Variants in METAP2 observed in about 807,000 individuals in gnomAD.
METAP2 encodes the protein methionine aminopeptidase 2.
Under a neutral mutation model 59.4 loss-of-function variants are expected in METAP2, and 25 were observed. That is an observed-to-expected ratio of 0.42 (90% CI 0.31 to 0.59). The LOEUF is 0.59. Ranked by LOEUF, METAP2 falls within the 20% of genes least tolerant of loss-of-function variation. The pLI is 0.16. For synonymous variants in METAP2, 214 were observed against 194.1 expected (o/e 1.10, Z -0.85); for missense variants, 366 against 581.2 (o/e 0.63, Z 3.81).
At chr12:95,482,786 T>C (rs536896003) in intron 2 of METAP2, among the ~76,000 whole-genome samples, 2 of 152,254 alleles carry the variant, frequency 1.3e-5, no homozygotes, top group African/African-American at 4.8e-5. Context: ...AGCTAGACCC[T>C]GTTTCAAAAA....
Position 95,474,169 on chromosome 12 carries a change from T to A in METAP2, c.-11T>A, listed in dbSNP as rs1235323625. On this transcript the variant is annotated 5_prime_UTR_variant, in exon 1 of 11. Coordinates refer to ENST00000323666, the MANE Select transcript of METAP2 (RefSeq NM_006838.4). ...CGCTCTGTCTCATTCCCTCGCGCTCTCTCGGGCAACATGGCGGGTGTGGAG... is the reference window on the plus strand; with the variant it reads ...CGCTCTGTCTCATTCCCTCGCGCTCACTCGGGCAACATGGCGGGTGTGGAG... 6.2e-7 allele frequency: 1 copy of A among 1,613,178 alleles called. No homozygotes were observed. The highest frequency in any genetic ancestry group is 8.5e-7 in the Non-Finnish European group (1 of 1,179,690).
At chr12:95,505,016 C>T (rs1417015962) in intron 8 of METAP2, among the ~76,000 whole-genome samples, 1 of 152,140 alleles carries the variant, frequency 6.6e-6, no homozygotes, top group Non-Finnish European at 1.5e-5. Context: ...CAGCCACCAT[C>T]CTCCTCCCTC....
At chr12:95,495,514 A>G (rs1316914921) in intron 6 of METAP2, among the ~76,000 whole-genome samples, 1 of 152,162 alleles carries the variant, frequency 6.6e-6, no homozygotes, top group Non-Finnish European at 1.5e-5. Context: ...CTTAATATAC[A>G]TGTTTGCTTT....
intron 7 of METAP2, among the ~76,000 whole-genome samples, chr12:95,500,432 C>T (rs779952890): frequency 2.6e-5 from 4 of 152,094 alleles, no homozygotes; most frequent in African/African-American, 4.8e-5. Context: ...TGAGTAAAAA[C>T]GGCAAAAGTG....
At chr12:95,482,183 C>A in intron 2 of METAP2, 1 of 452,930 alleles carries the variant, frequency 2.2e-6, no homozygotes, top group South Asian at 1.6e-5. Flanking sequence ...GATCTCAGCT[C>A]ACTGCAGCCT....
intron 2 of METAP2, among the ~76,000 whole-genome samples, chr12:95,476,809 T>C (rs1054031967): frequency 3.3e-4 from 50 of 152,326 alleles, no homozygotes; most frequent in African/African-American, 1.2e-3. Context: ...AGAACTACTA[T>C]GTACTAGATA....
chr12:95,514,978 G>A lies in METAP2; in HGVS notation c.*1074G>A, dbSNP rs1164889034. On this transcript the variant is annotated 3_prime_UTR_variant, in exon 11 of 11. Transcript: ENST00000323666. ...GTGTATTAAGTTGAATGTAACGATGGTAATATTAATTTGTTTGAACTGAGG... is the reference window on the plus strand; with the variant it reads ...GTGTATTAAGTTGAATGTAACGATGATAATATTAATTTGTTTGAACTGAGG... 1.3e-5 allele frequency: 2 copies of A among 152,546 alleles called. No individual in the cohort carries two copies. The highest frequency in any genetic ancestry group is 4.8e-5 in the African/African-American group (2 of 41,418). The allele number at this position is 152,546 out of a possible 1,614,324, so 9.4% of individuals were successfully genotyped here.
intron 7 of METAP2, among the ~76,000 whole-genome samples, chr12:95,498,768 C>G (rs1461772534): frequency 6.6e-6 from 1 of 152,146 alleles, no homozygotes; most frequent in East Asian, 1.9e-4. Context: ...AATCTCAGCC[C>G]TTTTGGAGTC....
rs200821964 is a variant in METAP2 at position 95,514,174 on chromosome 12, T to C, written c.*270T>C. ...GCTCAAATTAGTTAGGAATGACTTA[T>C]ACGTTTTGTTTTGAATACCTAAGAG... On this transcript the variant is annotated 3_prime_UTR_variant, in exon 11 of 11. Coordinates refer to ENST00000323666, the MANE Select transcript of METAP2 (RefSeq NM_006838.4). The C allele has an allele frequency of 1.7e-5, 7 of 422,818 alleles. No homozygotes were observed. The highest frequency in any genetic ancestry group is 1.6e-4 in the South Asian group (3 of 19,228). 26.2% of individuals were successfully genotyped at this position (422,818 alleles called of 1,614,324 possible).
intron 3 of METAP2, chr12:95,483,521 T>C (rs2076174970): frequency 2.7e-6 from 1 of 366,356 alleles, no homozygotes; most frequent in Non-Finnish European, 4.9e-6. Context: ...CACTGACAGG[T>C]TTGAAGAGTA....
rs762666071 is a variant in METAP2 at position 95,475,131 on chromosome 12, CTG to C, written c.151+805_151+806del. Among the ~76,000 whole-genome samples the C allele has an allele frequency of 1.6e-3, 246 of 152,228 alleles. 1 individual carries two copies. Among genetic ancestry groups the C allele is most frequent in the Non-Finnish European group, 2.1e-3 (144 of 68,024 alleles). On this transcript the variant is annotated intron_variant, in intron 1 of 10. Transcript: ENST00000323666. The stretch of plus-strand genomic sequence containing the variant: ...TAGGAACTTACATATTTTGAGAAGT[CTG>C]TGTTTTTGCTGCACAAGCTCCTTCA...
intron 5 of METAP2, among the ~76,000 whole-genome samples, chr12:95,494,547 C>T (rs539432011): frequency 3.8e-4 from 58 of 152,250 alleles, no homozygotes; most frequent in Non-Finnish European, 7.5e-4. Context: ...GATGATAATA[C>T]AGTAACAAAA....
chr12:95,487,446 T>G (rs1232457307), intron 4 of METAP2, among the ~76,000 whole-genome samples: 2 of 152,044 alleles, frequency 1.3e-5, no homozygotes, highest in East Asian at 1.9e-4. Flanking sequence ...GACATGGGCT[T>G]CTTTTCTTTG....
At chr12:95,497,812 T>C (rs1329465968) in intron 7 of METAP2, among the ~76,000 whole-genome samples, 1 of 152,032 alleles carries the variant, frequency 6.6e-6, no homozygotes, top group Non-Finnish European at 1.5e-5. Context: ...TTTTTGCCCA[T>C]TTTTATTTAT....
intron 4 of METAP2, among the ~76,000 whole-genome samples, chr12:95,489,998 A>G (rs2076225182): frequency 1.3e-5 from 2 of 152,242 alleles, no homozygotes; most frequent in Non-Finnish European, 2.9e-5. Context: ...ACAAGTATGC[A>G]TATTGTCATA....
Position 95,474,259 on chromosome 12 carries a change from C to T in METAP2, c.80C>T (p.Ala27Val), listed in dbSNP as rs1166971892. Residue 27 changes from alanine to valine, a missense_variant, in exon 1 of 11, where the codon GCT (alanine) becomes GTT (valine). Physicochemically the swap from Ala to Val is moderately conservative, Grantham distance 64 (BLOSUM62 0). Transcript: ENST00000323666. ...DLDPDDREEG[A>V]ASTAEEAAKK... Reference sequence around the variant, plus strand: ...GATCCAGACGACAGGGAAGAAGGAGCTGCCTCTACGGCTGAGGAAGCAGCC... The same window carrying T: ...GATCCAGACGACAGGGAAGAAGGAGTTGCCTCTACGGCTGAGGAAGCAGCC... 3 of 1,614,104 alleles carry T rather than the reference C, an allele frequency of 1.9e-6. No homozygotes were observed. In the African/African-American group the frequency reaches 4.0e-5, roughly 22 times the overall value.
intron 6 of METAP2, 125 bp from the exon 7 acceptor site, chr12:95,495,879 C>A: frequency 1.6e-6 from 1 of 625,896 alleles, no homozygotes; most frequent in Non-Finnish European, 2.8e-6. Context: ...ATTTGGAGTG[C>A]AGCCTTCATT....
chr12:95,505,529 A>G (rs1438713822), intron 8 of METAP2, among the ~76,000 whole-genome samples: 2 of 151,846 alleles, frequency 1.3e-5, no homozygotes, highest in African/African-American at 4.8e-5. Flanking sequence ...TCTGTCACCC[A>G]GGCTGGAGTG....
At chr12:95,490,847 G>A (rs373221794) in intron 4 of METAP2, among the ~76,000 whole-genome samples, 2 of 152,018 alleles carry the variant, frequency 1.3e-5, no homozygotes, top group South Asian at 2.1e-4. Context: ...GGATTTCTCC[G>A]ATTGTTTCCT....
Sources: gnomAD v4.1 joint callset for allele counts (sites outside exome capture counted in the v4.1 genomes callset) on GRCh38, gnomAD v4.1.1 for gene constraint, MANE v1.5 for transcripts, NCBI Gene and HGNC (gene_info 2026-07-23, HGNC 2026-07-21) for gene names.